Variants in CERS6 observed in about 807,000 individuals in gnomAD.
CERS6 encodes the protein ceramide synthase 6, also known as LAG1 homolog, ceramide synthase 6.
CERS6 carries 26 observed loss-of-function variants against 56.8 expected under a neutral mutation model. That is an observed-to-expected ratio of 0.46 (90% confidence interval 0.34 to 0.63). The LOEUF is 0.63. Ranked by LOEUF, CERS6 falls within the 30% of genes least tolerant of loss-of-function variation. CERS6 has a pLI of 0.01. For synonymous variants in CERS6, 164 were observed against 173.3 expected, an observed-to-expected ratio of 0.95 and a Z score of 0.42; for missense variants, 415 against 467.5, an observed-to-expected ratio of 0.89 and a Z score of 1.04.
chr2:168,695,782 C>T (rs560248115), intron 6 of CERS6, among the ~76,000 whole-genome samples: 1 of 152,286 alleles, frequency 6.6e-6, no homozygotes, highest in South Asian at 2.1e-4. Flanking sequence ...TACTTCCTGA[C>T]ACTTCCAACC....
chr2:168,470,095 C>T (rs1329884348), intron 1 of CERS6, among the ~76,000 whole-genome samples: 1 of 151,716 alleles, frequency 6.6e-6, no homozygotes, highest in Non-Finnish European at 1.5e-5. Flanking sequence ...CCTATTAAAC[C>T]CATCCTGAGG....
At chr2:168,713,571 A>G (rs944159357) in intron 6 of CERS6, among the ~76,000 whole-genome samples, 1 of 152,326 alleles carries the variant, frequency 6.6e-6, no homozygotes, top group Middle Eastern at 3.4e-3. Context: ...TCAGAAAAAA[A>G]CAATCTTCAC....
chr2:168,630,331 CACAT>C (rs1684687212), intron 3 of CERS6, among the ~76,000 whole-genome samples: 1 of 146,778 alleles, frequency 6.8e-6, no homozygotes, highest in Non-Finnish European at 1.5e-5. Flanking sequence ...CACACACGCA[CACAT>C]CTTATATTTT....
chr2:168,656,501 G>A (rs906043773), intron 4 of CERS6, among the ~76,000 whole-genome samples: 9 of 151,510 alleles, frequency 5.9e-5, no homozygotes, highest in African/African-American at 1.9e-4. Context: ...TCGTGGTCTC[G>A]CTGGCTCAGG....
intron 4 of CERS6, among the ~76,000 whole-genome samples, chr2:168,681,658 C>T (rs760769646): frequency 6.6e-6 from 1 of 152,170 alleles, no homozygotes; most frequent in South Asian, 2.1e-4. Flanking sequence ...AAAACCCACT[C>T]TTCCAGCTAA....
chr2:168,578,188 A>T (rs76759767), intron 3 of CERS6, among the ~76,000 whole-genome samples: 3,293 of 147,332 alleles, frequency 0.022, 132 homozygotes, highest in East Asian at 0.18. Context: ...TTTTTTTTTT[A>T]ATCATTTCCA....
chr2:168,499,958 T>C (rs1381562216), intron 1 of CERS6, among the ~76,000 whole-genome samples: 1 of 152,118 alleles, frequency 6.6e-6, no homozygotes, highest in Non-Finnish European at 1.5e-5. Context: ...AGTATCCCAA[T>C]AAACAAGAAC....
chr2:168,463,733 C>T (rs183143574), intron 1 of CERS6, among the ~76,000 whole-genome samples: 2 of 152,118 alleles, frequency 1.3e-5, no homozygotes, highest in East Asian at 3.9e-4. Flanking sequence ...CATGGCAAAA[C>T]CCCGTCTTTA....
At chr2:168,699,302 G>A (rs1047139032) in intron 6 of CERS6, among the ~76,000 whole-genome samples, 2 of 152,178 alleles carry the variant, frequency 1.3e-5, no homozygotes, top group Admixed American at 6.5e-5. Context: ...GGATAGGGAT[G>A]TTTGAAGACA....
intron 8 of CERS6, among the ~76,000 whole-genome samples, chr2:168,737,476 A>G (rs897726758): frequency 6.6e-6 from 1 of 152,202 alleles, no homozygotes; most frequent in African/African-American, 2.4e-5. Context: ...TGGGAAATTC[A>G]TTAGGGGTGA....
intron 4 of CERS6, among the ~76,000 whole-genome samples, chr2:168,645,179 A>AGAGAGAGAGAGAGT (rs1685164228): frequency 8.0e-6 from 1 of 125,730 alleles, no homozygotes; most frequent in Non-Finnish European, 1.6e-5. Flanking sequence ...AGAGAGAGAG[A>AGAGAGAGAGAGAGT]GAGAGAGAGA....
Position 168,520,341 on chromosome 2 carries a change from G to A in CERS6, c.171-27255G>A, listed in dbSNP as rs564020267. ...ATTCTGGATATTACTCCTTTGTTGC[G>A]TGCATAGTTTGCAAATAGTTTCTCC... On this transcript the variant is annotated intron_variant, in intron 1 of 9. Coordinates refer to ENST00000305747, the MANE Select transcript of CERS6 (RefSeq NM_203463.3). Among the ~76,000 whole-genome samples the A allele has an allele frequency of 3.9e-5, 6 of 152,026 alleles. No homozygotes were observed. The East Asian group carries it at 5.8e-4, about 15-fold the overall frequency.
intron 1 of CERS6, among the ~76,000 whole-genome samples, chr2:168,534,679 C>CCCCTGTT: frequency 6.6e-6 from 1 of 152,172 alleles, no homozygotes; most frequent in Admixed American, 6.5e-5. Context: ...TTCCTGACAA[C>CCCCTGTT]CCCTGTTGGA....
At chr2:168,664,984 AT>A (rs1377292509) in intron 4 of CERS6, among the ~76,000 whole-genome samples, 2 of 152,174 alleles carry the variant, frequency 1.3e-5, no homozygotes, top group Non-Finnish European at 2.9e-5. Flanking sequence ...CCTGCCCTGG[AT>A]CACTGTCTCC....
chr2:168,563,658 G>GCA (rs1695832960), intron 3 of CERS6, among the ~76,000 whole-genome samples: 1 of 151,908 alleles, frequency 6.6e-6, no homozygotes, highest in Non-Finnish European at 1.5e-5. Flanking sequence ...TTAGCCAGAT[G>GCA]TGGTGGCAGG....
At chr2:168,658,516 A>G (rs1685549000) in intron 4 of CERS6, among the ~76,000 whole-genome samples, 2 of 152,324 alleles carry the variant, frequency 1.3e-5, no homozygotes, top group South Asian at 4.1e-4. Context: ...TTGCCAAGGC[A>G]TGGGAGTCTG....
At chr2:168,754,882 TC>T (rs1189402494) in intron 8 of CERS6, among the ~76,000 whole-genome samples, 1 of 152,120 alleles carries the variant, frequency 6.6e-6, no homozygotes, top group African/African-American at 2.4e-5. Context: ...GCTCAAGTGA[TC>T]TCCTGCCTCC....
At chr2:168,472,554 T>C (rs1693996726) in intron 1 of CERS6, among the ~76,000 whole-genome samples, 1 of 152,278 alleles carries the variant, frequency 6.6e-6, no homozygotes. Context: ...AAAATCTGAT[T>C]GGTATTTGGC....
intron 4 of CERS6, among the ~76,000 whole-genome samples, chr2:168,690,614 A>C (rs868386564): frequency 1.3e-5 from 2 of 152,126 alleles, no homozygotes; most frequent in South Asian, 2.1e-4. Flanking sequence ...CTTGGTAAAC[A>C]TTGAGTCTGA....
Sources: allele counts gnomAD v4.1 joint callset (sites outside exome capture counted in the v4.1 genomes callset), GRCh38; gene constraint gnomAD v4.1.1; transcripts MANE v1.5; gene names NCBI Gene and HGNC (gene_info 2026-07-23, HGNC 2026-07-21).